POGLUT1: variants seen among roughly 807,000 people sequenced by gnomAD.
The protein encoded by POGLUT1 is 9630046K23Rik.
A neutral mutation model predicts 61.3 loss-of-function variants in POGLUT1; 32 were observed. The observed-to-expected ratio is 0.52, with a 90% CI of 0.39 to 0.70. The LOEUF (loss-of-function observed/expected upper bound fraction) is 0.70, where lower values mean the gene tolerates loss of function less well. Ranked by LOEUF, POGLUT1 falls within the 30% of genes least tolerant of loss-of-function variation. The pLI, the probability that POGLUT1 is intolerant of heterozygous loss-of-function variation, is 0.00. For synonymous variants in POGLUT1, 158 were observed against 158.2 expected, an observed-to-expected ratio of 1.00 and a Z score of 0.01; for missense variants, 411 against 469.8, an observed-to-expected ratio of 0.87 and a Z score of 1.16.
intron 6 of POGLUT1, 34 bp from the exon 7 acceptor site, chr3:119,486,799 C>A: frequency 7.1e-7 from 1 of 1,400,496 alleles, no homozygotes; most frequent in Non-Finnish European, 1.0e-6. Context: ...CTAATACAGG[C>A]CACACAGTTT....
At chr3:119,482,989 G>C (rs11706186) in intron 5 of POGLUT1, among the ~76,000 whole-genome samples, 1 of 152,196 alleles carries the variant, frequency 6.6e-6, no homozygotes, top group Admixed American at 6.5e-5. Context: ...GAATGAAAGA[G>C]AGAGAACAGT....
chr3:119,469,995 A>C, intron 2 of POGLUT1, 85 bp downstream of exon 2: 2 of 832,554 alleles, frequency 2.4e-6, no homozygotes, highest in Non-Finnish European at 4.1e-6. Context: ...TTTTGGTTGC[A>C]GTGGTCAGAA....
chr3:119,486,176 G>A (rs2081661560), intron 6 of POGLUT1, among the ~76,000 whole-genome samples: 3 of 152,216 alleles, frequency 2.0e-5, no homozygotes, highest in South Asian at 4.2e-4. Flanking sequence ...AAATTAACTT[G>A]GGGACCATGT....
rs371954325 is a variant in POGLUT1 at position 119,476,442 on chromosome 3, C to CT, written c.321-858dup. ...CAGTTATCTCCCTATATAAAAAACA[C>CT]TTTTTTTTTTTTTGGCTAGAGGAGC... On this transcript the variant is annotated intron_variant, in intron 3 of 10. Coordinates refer to ENST00000295588, the MANE Select transcript of POGLUT1 (RefSeq NM_152305.3). Among the ~76,000 whole-genome samples the CT allele has an allele frequency of 1.8e-3, 260 of 145,780 alleles. 1 individual carries two copies. Among genetic ancestry groups the CT allele is most frequent in the East Asian group, 0.012 (58 of 5,038 alleles).
At chr3:119,478,194 A>G (rs976916361) in intron 4 of POGLUT1, 30 of 364,848 alleles carry the variant, frequency 8.2e-5, no homozygotes, top group Non-Finnish European at 1.3e-4. Context: ...GAGTGGATGG[A>G]AGATTCTATG....
intron 5 of POGLUT1, among the ~76,000 whole-genome samples, chr3:119,481,513 T>C (rs1379220206): frequency 6.6e-6 from 1 of 152,238 alleles, no homozygotes; most frequent in Non-Finnish European, 1.5e-5. Flanking sequence ...TGGCTGAAGA[T>C]TCAAAGAGGA....
At chr3:119,469,750 TG>T in intron 1 of POGLUT1, 69 bp from the exon 2 acceptor site, 1 of 768,244 alleles carries the variant, frequency 1.3e-6, no homozygotes, top group South Asian at 1.5e-5. Context: ...CTGTTTCTTC[TG>T]TTGGTGTGGT....
rs749994629 is a variant in POGLUT1, at chr3:119,468,993, G to A, written c.-29G>A. The A allele has an allele frequency of 6.3e-7, 1 of 1,589,220 alleles. No homozygotes were observed. Among genetic ancestry groups the A allele is most frequent in the Admixed American group, 1.7e-5 (1 of 58,894 alleles). On this transcript the variant is annotated 5_prime_UTR_variant, in exon 1 of 11. Coordinates refer to ENST00000295588, the MANE Select transcript of POGLUT1 (RefSeq NM_152305.3). ...GGGCCGCGCTTCCGCCAGCGCCGCA[G>A]CGGGGAATCTGCAGTAGGTCTGCCG...
In POGLUT1 at chr3:119,487,000, G is replaced by C; in HGVS notation, c.738+68G>C. ...CTCACTCAAAGAACATTGCCACCTG[G>C]GTAGAATTTGAGATTAGGTTTCCTG... On this transcript the variant is annotated intron_variant, in intron 7 of 10. Coordinates refer to ENST00000295588, the MANE Select transcript of POGLUT1 (RefSeq NM_152305.3). 4.9e-6 allele frequency: 5 copies of C among 1,025,004 alleles called. No homozygotes were observed. The East Asian group carries it at 9.5e-5, about 19-fold the overall frequency. The allele number at this position is 1,025,004 out of a possible 1,614,324, so 63.5% of individuals were successfully genotyped here. A position where few individuals can be genotyped will look rare whatever the true frequency, so the allele number is the denominator to read the frequency against.
At position 119,490,811 on chromosome 3, in the gene POGLUT1, A is replaced by G. The variant is rs62263444; in HGVS notation, c.965+93A>G. The stretch of plus-strand genomic sequence containing the variant: ...TGCCTTAAAACCAGTCATGTAAGAC[A>G]TTTAGTCCTACGATTTTTTTCCATT... On this transcript the variant is annotated intron_variant, in intron 9 of 10. Transcript: ENST00000295588. The G allele has an allele frequency of 0.2, 210,668 of 1,077,762 alleles. 22,013 individuals carry two copies. The highest frequency in any genetic ancestry group is 0.29 in the East Asian group (11,993 of 41,846). The allele number at this position is 1,077,762 out of a possible 1,614,324, so 66.8% of individuals were successfully genotyped here. A position where few individuals can be genotyped will look rare whatever the true frequency, so the allele number is the denominator to read the frequency against.
rs2081790714 is a variant in POGLUT1, at chr3:119,494,402, TA to T, written c.*1967del. 6.6e-6 allele frequency: 1 copy of T among 152,668 alleles called. No individual in the cohort carries two copies. Among genetic ancestry groups the T allele is most frequent in the Admixed American group, 6.5e-5 (1 of 15,290 alleles). 9.5% of individuals were successfully genotyped at this position (152,668 alleles called of 1,614,324 possible). A position where few individuals can be genotyped will look rare whatever the true frequency, so the allele number is the denominator to read the frequency against. ...TAAGACCATAAGAATTGGATCAATG[TA>T]AATCCTCACCTGCCCTTTGAAGAGC... On this transcript the variant is annotated 3_prime_UTR_variant, in exon 11 of 11. Transcript: ENST00000295588.
At position 119,470,920 on chromosome 3, in the gene POGLUT1, C is replaced by G. The variant is rs1229060532; in HGVS notation, c.177-389C>G. Among the ~76,000 whole-genome samples, 3 of 152,118 alleles carry G rather than the reference C, an allele frequency of 2.0e-5. No individual in the cohort carries two copies. The East Asian group carries it at 5.8e-4, about 29-fold the overall frequency. On this transcript the variant is annotated intron_variant, in intron 2 of 10. Transcript: ENST00000295588. Reference sequence around the variant, plus strand: ...GGGGGAGAGTGTGGACCAGACAGACCAGAACAAGAGAGTCAGTGCTAGACT... The same window carrying G: ...GGGGGAGAGTGTGGACCAGACAGACGAGAACAAGAGAGTCAGTGCTAGACT...
chr3:119,476,943 C>A (rs548730138), intron 3 of POGLUT1, among the ~76,000 whole-genome samples: 1 of 152,270 alleles, frequency 6.6e-6, no homozygotes, highest in African/African-American at 2.4e-5. Context: ...TTAGCTATTT[C>A]AGCTATTACG....
chr3:119,485,063 C>CA (rs1354231514), intron 5 of POGLUT1, among the ~76,000 whole-genome samples: 2 of 151,928 alleles, frequency 1.3e-5, no homozygotes, highest in Non-Finnish European at 2.9e-5. Context: ...AAAAAATACA[C>CA]AAAATTAGCC....
chr3:119,471,217 C>G, intron 2 of POGLUT1, 92 bp from the exon 3 acceptor site: 3 of 1,123,136 alleles, frequency 2.7e-6, no homozygotes, highest in Non-Finnish European at 4.0e-6. Context: ...TTACTGTGTT[C>G]TCTAATACGA....
Position 119,490,563 on chromosome 3 carries a change from T to A in POGLUT1, c.810T>A (p.Asn270Lys). The change falls in exon 9 of 11, where the codon AAT becomes AAA. Residue 270 changes from asparagine (N) to lysine (K), a missense_variant. Transcript: ENST00000295588. ...CTTTTTTCCCCAGGTATCTGTTTAA[T>A]TTTCGAGGCGTAGCTGCAAGTTTCC... ...VDHCKYKYLF[N>K]FRGVAASFRF... 1 of 1,614,110 alleles carries A rather than the reference T, an allele frequency of 6.2e-7. No homozygotes were observed. Among genetic ancestry groups the A allele is most frequent in the Non-Finnish European group, 8.5e-7 (1 of 1,179,962 alleles).
intron 7 of POGLUT1, 97 bp from the exon 8 acceptor site, chr3:119,488,832 G>C (rs1453824491): frequency 1.8e-5 from 11 of 627,958 alleles, no homozygotes; most frequent in Non-Finnish European, 3.3e-5. Flanking sequence ...AAGCTTAAAT[G>C]AGGTAATGTT....
intron 10 of POGLUT1, among the ~76,000 whole-genome samples, chr3:119,491,861 C>A (rs559434585): frequency 1.3e-5 from 2 of 152,072 alleles, no homozygotes; most frequent in Non-Finnish European, 2.9e-5. Flanking sequence ...TCAAGACCAG[C>A]CTAGCCATGG....
At chr3:119,486,719 T>A in intron 6 of POGLUT1, 114 bp from the exon 7 acceptor site, 1 of 755,686 alleles carries the variant, frequency 1.3e-6, no homozygotes, top group South Asian at 1.5e-5. Flanking sequence ...ACCAGTGAAT[T>A]GTCCACTTGT....
Sources: allele counts gnomAD v4.1 joint callset (sites outside exome capture counted in the v4.1 genomes callset), GRCh38; gene constraint gnomAD v4.1.1; transcripts MANE v1.5; gene names NCBI Gene and HGNC (gene_info 2026-07-23, HGNC 2026-07-21).